The following SPATA6L variants were observed in gnomAD, a reference collection of about 807,000 sequenced individuals.
SPATA6L encodes spermatogenesis associated 6-like protein.
In SPATA6L, 68 loss-of-function variants were observed where a neutral mutation model predicts 49.2. The ratio of observed to expected loss-of-function variants is 1.38; its 90% confidence interval spans 1.14 to 1.69. The LOEUF is 1.69. SPATA6L is among the 40% of genes most tolerant of loss of function. The pLI is 0.00. For missense variants in SPATA6L, 668 were observed against 464.3 expected (o/e 1.44, Z -4.03); for synonymous variants, 198 against 165.7 (o/e 1.19, Z -1.50).
In SPATA6L at chr9:4,662,784, C is replaced by T; in HGVS notation, c.40-748G>A. On this transcript the variant is annotated intron_variant, in intron 1 of 11. Coordinates refer to ENST00000682582, the MANE Select transcript of SPATA6L (RefSeq NM_001353486.2). The surrounding 1 kb of genome is among the most constrained non-coding windows in gnomAD (Gnocchi z 4.9). ...CAGCGTGCGACCCCTTATGAAGCTG[C>T]TGGAGATCTCGGGACACGGCATCCC... is the stretch of plus-strand genomic sequence containing the variant. 6.2e-7 allele frequency: 1 copy of T among 1,605,306 alleles called. No individual in the cohort carries two copies. The highest frequency in any genetic ancestry group is 8.5e-7 in the Non-Finnish European group (1 of 1,179,934).
At chr9:4,605,986 T>G (rs1024215666) in intron 9 of SPATA6L, among the ~76,000 whole-genome samples, 1 of 152,122 alleles carries the variant, frequency 6.6e-6, no homozygotes, top group African/African-American at 2.4e-5. Flanking sequence ...GGGCGAGGCA[T>G]TGCCTCACTC....
At chr9:4,628,996 A>G (rs1830889109) in intron 5 of SPATA6L, 95 bp downstream of exon 5, 6 of 786,772 alleles carry the variant, frequency 7.6e-6, no homozygotes, top group Non-Finnish European at 1.2e-5. Context: ...GTTTAGTTTC[A>G]TGTAAACTTA....
At chr9:4,615,563 T>C (rs1827788202) in intron 9 of SPATA6L, among the ~76,000 whole-genome samples, 2 of 152,148 alleles carry the variant, frequency 1.3e-5, no homozygotes, top group Non-Finnish European at 2.9e-5. Context: ...ATCTAACACA[T>C]ATTTAAAGAG....
intron 13 of SPATA6L, among the ~76,000 whole-genome samples, chr9:4,591,719 A>G (rs564903586): frequency 1.3e-5 from 2 of 152,358 alleles, no homozygotes; most frequent in African/African-American, 4.8e-5. Context: ...CAGTTAAATT[A>G]GAAAAACATG....
intron 1 of SPATA6L, chr9:4,663,575 G>T: frequency 3.3e-6 from 1 of 302,470 alleles, no homozygotes; most frequent in Non-Finnish European, 6.5e-6. Flanking sequence ...GTTAAAAGTT[G>T]GTATCAGTAA....
intron 3 of SPATA6L, among the ~76,000 whole-genome samples, chr9:4,637,566 A>C (rs531153922): frequency 6.6e-6 from 1 of 152,340 alleles, no homozygotes; most frequent in South Asian, 2.1e-4. Context: ...CAATCAATAC[A>C]GGGCCCAGCC....
In SPATA6L at chr9:4,662,437, G is replaced by T. The variant is rs764513829; in HGVS notation, c.40-401C>A. Reference sequence around the variant, plus strand: ...CTGGGCGTCTCCGCTTCGAGCAGCAGCAGCAGCCCCGGCAGCCCAGCCCAT... The same window carrying T: ...CTGGGCGTCTCCGCTTCGAGCAGCATCAGCAGCCCCGGCAGCCCAGCCCAT... On this transcript the variant is annotated intron_variant, in intron 1 of 11. Coordinates refer to ENST00000682582, the MANE Select transcript of SPATA6L (RefSeq NM_001353486.2). This position sits in a 1 kb window ranked among gnomAD's most constrained non-coding sequence, Gnocchi z 4.9. The T allele has an allele frequency of 7.4e-5, 115 of 1,544,394 alleles. 1 individual carries two copies. In the Middle Eastern group the frequency reaches 9.1e-4, roughly 12 times the overall value.
Position 4,600,278 on chromosome 9 carries a change from T to A in SPATA6L, c.*533A>T, listed in dbSNP as rs1036696571. ...CAAGATCTGAACTACCCAGACGTAA[T>A]GCTCTCTTTTCCAAGGTTTTTAGTG... On this transcript the variant is annotated 3_prime_UTR_variant, in exon 12 of 12. Coordinates refer to ENST00000682582, the MANE Select transcript of SPATA6L (RefSeq NM_001353486.2). 6.6e-6 allele frequency among the ~76,000 whole-genome samples: 1 copy of A among 152,174 alleles called. No homozygotes were observed. The highest frequency in any genetic ancestry group is 1.5e-5 in the Non-Finnish European group (1 of 68,024).
At chr9:4,612,353 C>G (rs536532155) in intron 9 of SPATA6L, among the ~76,000 whole-genome samples, 1 of 152,270 alleles carries the variant, frequency 6.6e-6, no homozygotes, top group East Asian at 1.9e-4. Flanking sequence ...CCAAACTGAA[C>G]CATAGGTTTG....
At chr9:4,619,599 T>C (rs183050166) in intron 7 of SPATA6L, among the ~76,000 whole-genome samples, 27 of 152,324 alleles carry the variant, frequency 1.8e-4, no homozygotes, top group African/African-American at 6.3e-4. Flanking sequence ...GTGTGTCTAA[T>C]ATAAAATTTA....
intron 3 of SPATA6L, among the ~76,000 whole-genome samples, chr9:4,642,849 T>C (rs1212316349): frequency 6.6e-6 from 1 of 151,600 alleles, no homozygotes; most frequent in Non-Finnish European, 1.5e-5. Context: ...CATCACTCCA[T>C]AAGTAATCAA....
chr9:4,631,614 AG>A (rs1258914680), intron 4 of SPATA6L, among the ~76,000 whole-genome samples: 1 of 148,734 alleles, frequency 6.7e-6, no homozygotes, highest in Non-Finnish European at 1.5e-5. Context: ...ACAAATACAA[AG>A]AAAAGCCACA....
At chr9:4,636,498 C>T (rs4742032) in intron 3 of SPATA6L, among the ~76,000 whole-genome samples, 19,091 of 152,152 alleles carry the variant, frequency 0.13, 1,816 homozygotes, top group East Asian at 0.33. Flanking sequence ...ATCTGAATCA[C>T]CTTTGACCAC....
At chr9:4,618,374 A>G (rs987816999) in intron 8 of SPATA6L, among the ~76,000 whole-genome samples, 2 of 152,164 alleles carry the variant, frequency 1.3e-5, no homozygotes, top group Non-Finnish European at 2.9e-5. Flanking sequence ...CTGAACTTTG[A>G]TTTCTGAGGA....
In SPATA6L at chr9:4,598,621, C is replaced by T. The variant is rs1418550216; in HGVS notation, c.*2190G>A. 6.6e-6 allele frequency among the ~76,000 whole-genome samples: 1 copy of T among 152,122 alleles called. No homozygotes were observed. Among genetic ancestry groups the T allele is most frequent in the Non-Finnish European group, 1.5e-5 (1 of 68,008 alleles). On this transcript the variant is annotated 3_prime_UTR_variant, in exon 12 of 12. Transcript: ENST00000682582. ...ATCTTATTAAAGAGTTATGCTTAAA[C>T]CATTTCAAAAAACACTGAATATTGA... is the stretch of plus-strand genomic sequence containing the variant.
In SPATA6L at chr9:4,662,712, C is replaced by G; in HGVS notation, c.40-676G>C. 1 of 1,602,122 alleles carries G rather than the reference C, an allele frequency of 6.2e-7. No homozygotes were observed. Among genetic ancestry groups the G allele is most frequent in the Non-Finnish European group, 8.5e-7 (1 of 1,179,914 alleles). The stretch of plus-strand genomic sequence containing the variant: ...CTCCCTGCTGGCCATCGACCTGTGG[C>G]TGTCCAAGAAGCTGGGGGTGTGCGC... On this transcript the variant is annotated intron_variant, in intron 1 of 11. Coordinates refer to ENST00000682582, the MANE Select transcript of SPATA6L (RefSeq NM_001353486.2). This position sits in a 1 kb window ranked among gnomAD's most constrained non-coding sequence, Gnocchi z 4.9.
intron 13 of SPATA6L, among the ~76,000 whole-genome samples, chr9:4,591,066 A>T (rs1377324643): frequency 6.6e-6 from 1 of 152,124 alleles, no homozygotes; most frequent in Non-Finnish European, 1.5e-5. Flanking sequence ...ACTGGCCAGG[A>T]TTTGCTTTGC....
intron 9 of SPATA6L, among the ~76,000 whole-genome samples, chr9:4,606,988 G>A (rs1260494414): frequency 4.1e-5 from 6 of 148,130 alleles, no homozygotes; most frequent in South Asian, 4.3e-4. Context: ...CAAGAACTAC[G>A]TGAAGAATGC....
intron 2 of SPATA6L, among the ~76,000 whole-genome samples, chr9:4,656,302 G>C (rs1261741642): frequency 2.6e-5 from 4 of 152,106 alleles, no homozygotes; most frequent in African/African-American, 9.7e-5. Context: ...AGCTGGGCAT[G>C]GTGGCTCATG....
Sources: gnomAD v4.1 joint callset for allele counts (sites outside exome capture counted in the v4.1 genomes callset) on GRCh38, gnomAD v4.1.1 for gene constraint, Gnocchi (gnomAD v3.1) non-coding constraint, MANE v1.5 for transcripts, NCBI Gene and HGNC (gene_info 2026-07-23, HGNC 2026-07-21) for gene names.